CENPO: variants seen among roughly 807,000 people sequenced by gnomAD.
CENPO encodes centromere protein O, also known as centromeric protein O.
A neutral mutation model predicts 36.1 loss-of-function variants in CENPO; 30 were observed. The observed-to-expected ratio is 0.83, with a 90% CI of 0.62 to 1.13. CENPO has a LOEUF of 1.13. Ranked by LOEUF, CENPO falls within the 50% of genes most tolerant of loss-of-function variation. The pLI is 0.00. For missense variants in CENPO, 349 were observed against 357.8 expected, an observed-to-expected ratio of 0.98 and a Z score of 0.20; for synonymous variants, 171 against 142.3, an observed-to-expected ratio of 1.20 and a Z score of -1.44.
At chr2:24,808,614 CAT>C (rs1318075796) in intron 3 of CENPO, among the ~76,000 whole-genome samples, 2 of 152,140 alleles carry the variant, frequency 1.3e-5, no homozygotes, top group South Asian at 2.1e-4. Flanking sequence ...TTAAGGGAAT[CAT>C]ATGTTTTCTC....
At position 24,817,698 on chromosome 2, in the gene CENPO, G is replaced by A; in HGVS notation, c.795G>A (p.Glu265=). 6.2e-7 allele frequency: 1 copy of A among 1,614,166 alleles called. No homozygotes were observed. The highest frequency in any genetic ancestry group is 8.5e-7 in the Non-Finnish European group (1 of 1,180,020). The change falls in exon 7 of 8, where the codon GAG becomes GAA. Residue 265 remains glutamate, a synonymous_variant. Coordinates refer to ENST00000380834, the MANE Select transcript of CENPO (RefSeq NM_001322101.2). ...QGVEVLSTSW[E]EQRASHETLF... ...TGGAAGTATTATCCACTTCATGGGAGGAGCAACGAGCATCTCATGAAACTC... is the reference window on the plus strand; with the variant it reads ...TGGAAGTATTATCCACTTCATGGGAAGAGCAACGAGCATCTCATGAAACTC...
intron 3 of CENPO, among the ~76,000 whole-genome samples, chr2:24,807,999 C>T (rs1352012465): frequency 6.6e-6 from 1 of 152,158 alleles, no homozygotes; most frequent in Admixed American, 6.5e-5. Context: ...GAAATCTTTA[C>T]ATATTTTGAG....
At chr2:24,818,391 TA>T (rs369203960) in intron 7 of CENPO, among the ~76,000 whole-genome samples, 1 of 151,528 alleles carries the variant, frequency 6.6e-6, no homozygotes, top group African/African-American at 2.4e-5. Context: ...TTTTTTTTTT[TA>T]AAAGGAAAGT....
rs924776813 is a variant in CENPO at position 24,800,675 on chromosome 2, C to T, written c.216+831C>T. On this transcript the variant is annotated intron_variant, in intron 3 of 7. Coordinates refer to ENST00000380834, the MANE Select transcript of CENPO (RefSeq NM_001322101.2). Reference sequence around the variant, plus strand: ...GTGAACTCATCCTTTTTTATGGCTGCGTAATATTCCATGGTGTATATGTGC... The same window carrying T: ...GTGAACTCATCCTTTTTTATGGCTGTGTAATATTCCATGGTGTATATGTGC... Among the ~76,000 whole-genome samples the T allele has an allele frequency of 5.9e-5, 9 of 152,186 alleles. No homozygotes were observed. In the South Asian group the frequency reaches 6.2e-4, roughly 11 times the overall value.
chr2:24,817,539 T>G (rs961213194), intron 6 of CENPO, 131 bp from the exon 7 acceptor site: 1 of 1,182,004 alleles, frequency 8.5e-7, no homozygotes, highest in Non-Finnish European at 1.2e-6. Flanking sequence ...CCAGCTGCAC[T>G]GAGTGAGATT....
At chr2:24,816,409 C>A (rs995003587) in intron 5 of CENPO, 55 of 437,940 alleles carry the variant, frequency 1.3e-4, no homozygotes, top group Non-Finnish European at 1.1e-4. Context: ...CAGTCTCTTG[C>A]GAAGCTGTAC....
At chr2:24,799,575 A>T (rs1666068571) in intron 2 of CENPO, 100 bp from the exon 3 acceptor site, 1 of 200,914 alleles carries the variant, frequency 5.0e-6, no homozygotes, top group Admixed American at 2.6e-4. Flanking sequence ...AGTTCTGGTA[A>T]AAAAAAAAAA....
intron 7 of CENPO, among the ~76,000 whole-genome samples, chr2:24,818,239 A>G (rs565032920): frequency 6.6e-6 from 1 of 152,354 alleles, no homozygotes; most frequent in Admixed American, 6.5e-5. Context: ...CAAAAATCCT[A>G]AAATTTTCAG....
At chr2:24,794,534 A>G (rs1432975664) in intron 2 of CENPO, among the ~76,000 whole-genome samples, 1 of 152,272 alleles carries the variant, frequency 6.6e-6, no homozygotes, top group Non-Finnish European at 1.5e-5. Flanking sequence ...TCTAATATAT[A>G]GGAAATATTC....
intron 6 of CENPO, 94 bp downstream of exon 6, chr2:24,816,911 A>G (rs1666960239): frequency 1.7e-6 from 2 of 1,207,558 alleles, no homozygotes; most frequent in Non-Finnish European, 2.3e-6. Context: ...AGACCTCTTG[A>G]GACACTTTCT....
At position 24,820,531 on chromosome 2, in the gene CENPO, T is replaced by G. The variant is rs1473755957; in HGVS notation, c.*1213T>G. 1.4e-6 allele frequency: 2 copies of G among 1,404,470 alleles called. No individual in the cohort carries two copies. The highest frequency in any genetic ancestry group is 2.9e-5 in the African/African-American group (2 of 68,944). The allele number at this position is 1,404,470 out of a possible 1,614,324, so 87.0% of individuals were successfully genotyped here. A position where few individuals can be genotyped will look rare whatever the true frequency, so the allele number is the denominator to read the frequency against. On this transcript the variant is annotated 3_prime_UTR_variant, in exon 8 of 8. Transcript: ENST00000380834. ...ATCTAGAACTTCAGCCCAGATTTTG[T>G]GGATGGGTGGAAGTGTTTCTTCCTG...
intron 3 of CENPO, among the ~76,000 whole-genome samples, chr2:24,811,565 C>T (rs1459602236): frequency 6.6e-6 from 1 of 150,510 alleles, no homozygotes; most frequent in Non-Finnish European, 1.5e-5. Flanking sequence ...GGGTTCATGC[C>T]ATTCTCCTGC....
At position 24,820,117 on chromosome 2, in the gene CENPO, GGA is replaced by G. The variant is rs1369147573; in HGVS notation, c.*803_*804del. The G allele has an allele frequency of 2.0e-6, 3 of 1,538,150 alleles. No individual in the cohort carries two copies. In the South Asian group the frequency reaches 3.8e-5, roughly 19 times the overall value. ...ATGACTTGGGTTTCTTCTACCACCT[GGA>G]GAGGGAGGGGGAGCAAGAACGTGGC... is the stretch of plus-strand genomic sequence containing the variant. On this transcript the variant is annotated 3_prime_UTR_variant, in exon 8 of 8. Transcript: ENST00000380834.
chr2:24,804,449 T>C (rs1396087454), intron 3 of CENPO, among the ~76,000 whole-genome samples: 2 of 152,224 alleles, frequency 1.3e-5, no homozygotes, highest in Non-Finnish European at 2.9e-5. Flanking sequence ...TGGCATGTTT[T>C]TGCAGTGGCT....
At chr2:24,816,939 A>G in intron 6 of CENPO, 122 bp downstream of exon 6, 5 of 777,846 alleles carry the variant, frequency 6.4e-6, no homozygotes, top group Non-Finnish European at 9.7e-6. Flanking sequence ...TATACTGTAC[A>G]TTACTCAGAC....
At chr2:24,810,504 GTTT>G (rs35287429) in intron 3 of CENPO, among the ~76,000 whole-genome samples, 8,425 of 114,050 alleles carry the variant, frequency 0.074, 193 homozygotes, top group Non-Finnish European at 0.087. Flanking sequence ...GCAGGTTAAG[GTTT>G]TTTTTTTTTT....
chr2:24,820,364 C>G lies in CENPO; in HGVS notation c.*1046C>G. 1 of 1,326,946 alleles carries G rather than the reference C, an allele frequency of 7.5e-7. No homozygotes were observed. The highest frequency in any genetic ancestry group is 9.6e-7 in the Non-Finnish European group (1 of 1,043,400). 82.2% of individuals were successfully genotyped at this position (1,326,946 alleles called of 1,614,324 possible). A position where few individuals can be genotyped will look rare whatever the true frequency, so the allele number is the denominator to read the frequency against. The stretch of plus-strand genomic sequence containing the variant: ...TCTCTCCTAGGATGGCCATGGTCAC[C>G]TGGGTGGCAGCACTGTTACCTGGAA... On this transcript the variant is annotated 3_prime_UTR_variant, in exon 8 of 8. Coordinates refer to ENST00000380834, the MANE Select transcript of CENPO (RefSeq NM_001322101.2).
At position 24,817,471 on chromosome 2, in the gene CENPO, A is replaced by AAAAAAAC. The variant is rs1236463848; in HGVS notation, c.767-194_767-193insACAAAAA. On this transcript the variant is annotated intron_variant, in intron 6 of 7. Coordinates refer to ENST00000380834, the MANE Select transcript of CENPO (RefSeq NM_001322101.2). ...GGGGCAGCCTTAGTCCAGACCAAAA[A>AAAAAAAC]AAAAAGCTGTATGGGTCCAGTGGGT... Among the ~76,000 whole-genome samples, 6 of 151,538 alleles carry AAAAAAAC rather than the reference A, an allele frequency of 4.0e-5. 1 individual carries two copies. The highest frequency in any genetic ancestry group is 1.9e-4 in the East Asian group (1 of 5,148).
chr2:24,799,988 C>G, intron 3 of CENPO, 144 bp downstream of exon 3: 1 of 970,990 alleles, frequency 1.0e-6, no homozygotes, highest in Non-Finnish European at 1.5e-6. Flanking sequence ...CTCAAATGAT[C>G]AAACCTGTAG....
Sources: allele counts gnomAD v4.1 joint callset (sites outside exome capture counted in the v4.1 genomes callset), GRCh38; gene constraint gnomAD v4.1.1; transcripts MANE v1.5; gene names NCBI Gene and HGNC (gene_info 2026-07-23, HGNC 2026-07-21).